RC3H1: variants seen among roughly 807,000 people sequenced by gnomAD.
RC3H1 encodes roquin-1.
RC3H1 carries 50 observed loss-of-function variants against 138.2 expected under a neutral mutation model. The ratio of observed to expected loss-of-function variants is 0.36; its 90% CI spans 0.29 to 0.46. The LOEUF (loss-of-function observed/expected upper bound fraction) is 0.46. Among genes scored for constraint, RC3H1 ranks in the 20% least tolerant of loss-of-function variants. The probability of loss-of-function intolerance (pLI) is 1.00; values close to 1 mark genes in which losing one functional copy is unlikely to be tolerated. For missense variants in RC3H1, 1,031 were observed against 1,388.1 expected (o/e 0.74, Z 4.09); for synonymous variants, 462 against 489.1 (o/e 0.94, Z 0.73).
At chr1:173,977,243 C>T (rs1267935430) in intron 7 of RC3H1, among the ~76,000 whole-genome samples, 1 of 152,082 alleles carries the variant, frequency 6.6e-6, no homozygotes, top group Non-Finnish European at 1.5e-5. Flanking sequence ...ATTTCTTTTA[C>T]AGCAGTAAGT....
chr1:174,009,657 G>A (rs1265126630), intron 1 of RC3H1, among the ~76,000 whole-genome samples: 2 of 152,056 alleles, frequency 1.3e-5, no homozygotes, highest in African/African-American at 4.8e-5. Context: ...CGGCCAACAT[G>A]GTGAACCCGT....
At position 173,997,350 on chromosome 1, in the gene RC3H1, T is replaced by TA. The variant is rs1661481487; in HGVS notation, c.-150-4216dup. ...GAGTAACACAAAGCTAGAGTACACT[T>TA]AGAGTACAATTTAAGCTTCTTAAGA... On this transcript the variant is annotated intron_variant, in intron 1 of 19. Coordinates refer to ENST00000367696, the MANE Select transcript of RC3H1 (RefSeq NM_172071.4). Among the ~76,000 whole-genome samples, 3 of 152,294 alleles carry TA rather than the reference T, an allele frequency of 2.0e-5. No individual in the cohort carries two copies. In the South Asian group the frequency reaches 6.2e-4, roughly 32 times the overall value.
chr1:174,004,632 C>G (rs779327083), intron 1 of RC3H1, among the ~76,000 whole-genome samples: 51 of 146,744 alleles, frequency 3.5e-4, no homozygotes, highest in Non-Finnish European at 6.7e-4. Context: ...ATGGTGGAAC[C>G]CCATCTCTAC....
Position 173,982,712 on chromosome 1 carries a change from A to C in RC3H1, c.768+15T>G. ...AATATTTCCTTTCAAGCTGAGCTTT[A>C]ATGTAGGTTCATACCTTGAAACAGG... On this transcript the variant is annotated intron_variant, in intron 5 of 19. Transcript: ENST00000367696. 1 of 1,566,906 alleles carries C rather than the reference A, an allele frequency of 6.4e-7. No homozygotes were observed. The highest frequency in any genetic ancestry group is 8.6e-7 in the Non-Finnish European group (1 of 1,160,136).
At chr1:173,977,459 C>A (rs185784098) in intron 7 of RC3H1, among the ~76,000 whole-genome samples, 2 of 152,188 alleles carry the variant, frequency 1.3e-5, no homozygotes, top group African/African-American at 4.8e-5. Context: ...TTTAAACTTA[C>A]ATACCTCAGA....
chr1:173,948,831 C>T (rs979527065), intron 14 of RC3H1, among the ~76,000 whole-genome samples: 1 of 152,186 alleles, frequency 6.6e-6, no homozygotes, highest in South Asian at 2.1e-4. Flanking sequence ...AACAATCCTC[C>T]CACCTTGGCC....
At chr1:173,996,211 G>A (rs1003028909) in intron 1 of RC3H1, among the ~76,000 whole-genome samples, 4 of 151,998 alleles carry the variant, frequency 2.6e-5, no homozygotes, top group Non-Finnish European at 5.9e-5. Flanking sequence ...CCGAAATCAC[G>A]CCGTTGCACT....
chr1:173,954,398 T>C (rs1373190591), intron 13 of RC3H1, among the ~76,000 whole-genome samples: 1 of 151,940 alleles, frequency 6.6e-6, no homozygotes, highest in Non-Finnish European at 1.5e-5. Flanking sequence ...AGAGTGGAAC[T>C]GTGGTTATGA....
At chr1:173,992,265 C>T (rs1283308712) in intron 2 of RC3H1, among the ~76,000 whole-genome samples, 1 of 152,166 alleles carries the variant, frequency 6.6e-6, no homozygotes, top group African/African-American at 2.4e-5. Flanking sequence ...GTGTCTCAGC[C>T]TCCCAAGTAG....
intron 14 of RC3H1, among the ~76,000 whole-genome samples, chr1:173,951,546 A>AC (rs1659399015): frequency 6.7e-6 from 1 of 148,318 alleles, no homozygotes; most frequent in African/African-American, 2.5e-5. Context: ...TGAAAAAAAA[A>AC]TTTTTTTTTT....
rs558191413 is a variant in RC3H1 at position 173,966,208 on chromosome 1, T to A, written c.1335-1088A>T. ...CTGCTTCAGAGATGCTGATGTTATG[T>A]ATGCCAATACAAAATTAAAGTTATT... On this transcript the variant is annotated intron_variant, in intron 9 of 19. Transcript: ENST00000367696. Among the ~76,000 whole-genome samples, 4 of 152,286 alleles carry A rather than the reference T, an allele frequency of 2.6e-5. No homozygotes were observed. In the East Asian group the frequency reaches 7.7e-4, roughly 29 times the overall value.
In RC3H1 at chr1:173,935,684, C is replaced by T. The variant is rs1658552966; in HGVS notation, c.*3037G>A. The T allele has an allele frequency of 6.6e-6, 1 of 151,902 alleles. No individual in the cohort carries two copies. Among genetic ancestry groups the T allele is most frequent in the African/African-American group, 2.4e-5 (1 of 41,354 alleles). 9.4% of individuals were successfully genotyped at this position (151,902 alleles called of 1,614,324 possible). A position where few individuals can be genotyped will look rare whatever the true frequency, so the allele number is the denominator to read the frequency against. ...CAAATATGCCATTTGTCCTTACAGG[C>T]TCATGATATCACAGAGAAAAGGAAA... On this transcript the variant is annotated 3_prime_UTR_variant, in exon 20 of 20. Transcript: ENST00000367696.
intron 1 of RC3H1, among the ~76,000 whole-genome samples, chr1:174,014,744 T>C (rs1406912969): frequency 1.3e-5 from 2 of 152,198 alleles, no homozygotes; most frequent in African/African-American, 4.8e-5. Context: ...AGTATTACCA[T>C]TTCTGTTTTT....
At chr1:174,011,558 A>C (rs897139005) in intron 1 of RC3H1, among the ~76,000 whole-genome samples, 1 of 152,162 alleles carries the variant, frequency 6.6e-6, no homozygotes, top group African/African-American at 2.4e-5. Context: ...TCTCCACAAA[A>C]ATGGACTTTT....
chr1:173,973,695 A>G (rs1213194004), intron 7 of RC3H1, among the ~76,000 whole-genome samples: 1 of 152,230 alleles, frequency 6.6e-6, no homozygotes, highest in African/African-American at 2.4e-5. Flanking sequence ...AATATGTAAA[A>G]TGAAACAAGA....
At chr1:173,952,380 T>G (rs1426883453) in intron 13 of RC3H1, among the ~76,000 whole-genome samples, 15 of 145,342 alleles carry the variant, frequency 1.0e-4, no homozygotes, top group Admixed American at 4.8e-4. Flanking sequence ...TTTTTGTTTT[T>G]TTTTTTTACC....
At chr1:174,006,571 T>A (rs75336078) in intron 1 of RC3H1, among the ~76,000 whole-genome samples, 3 of 152,220 alleles carry the variant, frequency 2.0e-5, no homozygotes, top group African/African-American at 7.2e-5. Context: ...CTTCCAACTT[T>A]GAGCACTTGT....
At chr1:173,982,990 G>GCTTTGT in intron 4 of RC3H1, 88 bp from the exon 5 acceptor site, 1 of 1,217,600 alleles carries the variant, frequency 8.2e-7, no homozygotes, top group Non-Finnish European at 1.1e-6. Flanking sequence ...AATCATTTCT[G>GCTTTGT]CAGCTATTCA....
intron 10 of RC3H1, 139 bp from the exon 11 acceptor site, chr1:173,964,326 A>C: frequency 1.5e-6 from 1 of 656,544 alleles, no homozygotes; most frequent in Admixed American, 2.8e-5. Context: ...GCAATTTTTA[A>C]ATCTTATTTC....
Sources: gnomAD v4.1 joint callset for allele counts (sites outside exome capture counted in the v4.1 genomes callset) on GRCh38, gnomAD v4.1.1 for gene constraint, MANE v1.5 for transcripts, NCBI Gene and HGNC (gene_info 2026-07-23, HGNC 2026-07-21) for gene names.